ABCA6: variants seen among roughly 807,000 people sequenced by gnomAD.
ABCA6 encodes the protein ATP binding cassette subfamily A member 6.
In ABCA6, 164 loss-of-function variants were observed where a neutral mutation model predicts 191.2. The observed-to-expected ratio is 0.86, with a 90% CI of 0.76 to 0.98. The LOEUF (loss-of-function observed/expected upper bound fraction) is 0.98, where lower values mean the gene tolerates loss of function less well. Among genes scored for constraint, ABCA6 ranks in the 50% least tolerant of loss-of-function variants. The pLI, the probability that ABCA6 is intolerant of heterozygous loss-of-function variation, is 0.00. For missense variants in ABCA6, 1,958 were observed against 1,894.1 expected (o/e 1.03, Z -0.63); for synonymous variants, 636 against 647.7 (o/e 0.98, Z 0.27).
intron 31 of ABCA6, 129 bp from the exon 32 acceptor site, chr17:69,085,311 T>A: frequency 1.1e-6 from 1 of 869,896 alleles, no homozygotes; most frequent in Non-Finnish European, 1.7e-6. Flanking sequence ...AATTACTTCA[T>A]ATATTTATTA....
intron 8 of ABCA6, among the ~76,000 whole-genome samples, chr17:69,126,707 A>G (rs2073761516): frequency 6.6e-6 from 1 of 152,128 alleles, no homozygotes; most frequent in South Asian, 2.1e-4. Context: ...AATGAATGCA[A>G]AGATATATTA....
chr17:69,081,016 T>C (rs773747190), intron 37 of ABCA6, 50 bp downstream of exon 37: 3 of 1,115,444 alleles, frequency 2.7e-6, no homozygotes, highest in South Asian at 3.1e-5. Flanking sequence ...ATTATTATTT[T>C]AGTATTAGTT....
At chr17:69,081,442 G>T (rs557388941) in intron 36 of ABCA6, among the ~76,000 whole-genome samples, 21 of 152,056 alleles carry the variant, frequency 1.4e-4, no homozygotes, top group African/African-American at 5.1e-4. Context: ...TTCGAATTAG[G>T]TTGGGAATTA....
Position 69,106,141 on chromosome 17 carries a change from G to A in ABCA6, c.2460C>T (p.Phe820=). The A allele has an allele frequency of 6.2e-7, 1 of 1,613,956 alleles. No individual in the cohort carries two copies. The highest frequency in any genetic ancestry group is 8.5e-7 in the Non-Finnish European group (1 of 1,179,892). The change falls in exon 19 of 39, where the codon TTC becomes TTT. Residue 820 remains phenylalanine, a synonymous_variant. Transcript: ENST00000284425. ...CACTCACAGCTGTCTGCATTTCAGA[G>A]AAGGAAGAGTGAGCCAGCTCCATTT... ...LNEMELAHSS[F]SEMQTAVSDM...
intron 10 of ABCA6, among the ~76,000 whole-genome samples, chr17:69,120,523 T>C (rs1180835756): frequency 1.3e-5 from 2 of 152,068 alleles, no homozygotes; most frequent in African/African-American, 4.8e-5. Context: ...TTATTGTTCA[T>C]ATTTGCTGCC....
chr17:69,107,169 A>T (rs1309227085), intron 18 of ABCA6, among the ~76,000 whole-genome samples: 1 of 152,146 alleles, frequency 6.6e-6, no homozygotes, highest in Non-Finnish European at 1.5e-5. Context: ...TGCCAATGAC[A>T]CTTCTTGGAA....
intron 20 of ABCA6, chr17:69,104,659 AAAAACAAAAAAAC>A (rs1326214096): frequency 3.1e-5 from 1 of 31,800 alleles, no homozygotes; most frequent in Non-Finnish European, 6.5e-5. Flanking sequence ...CGGTTAGGAA[AAAAACAAAAAAAC>A]AAAAAAACAA....
chr17:69,134,150 G>C (rs2073910609), intron 5 of ABCA6, among the ~76,000 whole-genome samples: 1 of 152,100 alleles, frequency 6.6e-6, no homozygotes, highest in Non-Finnish European at 1.5e-5. Flanking sequence ...GTGTTCCTTG[G>C]TCTGAATATC....
intron 1 of ABCA6, 150 bp downstream of exon 1, chr17:69,141,595 T>C (rs916320863): frequency 4.6e-5 from 7 of 151,988 alleles, no homozygotes; most frequent in Non-Finnish European, 8.8e-5. Context: ...ATCTACACAA[T>C]AAAAAGTGGT....
intron 17 of ABCA6, chr17:69,110,107 G>A (rs1336289865): frequency 6.6e-6 from 1 of 152,138 alleles, no homozygotes; most frequent in Non-Finnish European, 1.5e-5. Flanking sequence ...CAGTGTGTAG[G>A]TGGAAGACAT....
chr17:69,115,164 C>T (rs1290811006), intron 12 of ABCA6, among the ~76,000 whole-genome samples: 1 of 151,932 alleles, frequency 6.6e-6, no homozygotes, highest in Non-Finnish European at 1.5e-5. Flanking sequence ...TGCACATCTA[C>T]CCTGAAATAT....
rs2072746480 is a variant in ABCA6 at position 69,085,092 on chromosome 17, G to A, written c.4120C>T (p.His1374Tyr). ...VLWPMLTLREHLEVYAAVKGL... is the reference protein window; with the variant it reads ...VLWPMLTLREYLEVYAAVKGL... Reference sequence around the variant, plus strand: ...TTGACGGCAGCATACACCTCCAGGTGTTCCCTCAACGTCAGCATGGGCCAC... The same window carrying A: ...TTGACGGCAGCATACACCTCCAGGTATTCCCTCAACGTCAGCATGGGCCAC... The change falls in exon 32 of 39, where the codon CAC (histidine) becomes TAC (tyrosine). Residue 1374 changes from histidine to tyrosine, a missense_variant. Physicochemically the swap from His to Tyr is moderately conservative, Grantham distance 83 (BLOSUM62 2). Transcript: ENST00000284425. 1 of 1,613,594 alleles carries A rather than the reference G, an allele frequency of 6.2e-7. No individual in the cohort carries two copies. Among genetic ancestry groups the A allele is most frequent in the Non-Finnish European group, 8.5e-7 (1 of 1,179,882 alleles).
At position 69,113,281 on chromosome 17, in the gene ABCA6, C is replaced by T. The variant is rs1197648584; in HGVS notation, c.1982G>A (p.Arg661Lys). Reference protein sequence around the residue: ...DQVWSLLRERRADHVILFSTQ... With the variant: ...DQVWSLLRERKADHVILFSTQ... ...ACTGAAAAGGATCACATGATCTGCTCTACGCTCTCTCAGGAGGCTCCACAC... is the reference window on the plus strand; with the variant it reads ...ACTGAAAAGGATCACATGATCTGCTTTACGCTCTCTCAGGAGGCTCCACAC... Residue 661 changes from arginine to lysine, a missense_variant, in exon 15 of 39, where the codon AGA becomes AAA. Physicochemically the swap from Arg to Lys is conservative, Grantham distance 26. Coordinates refer to ENST00000284425, the MANE Select transcript of ABCA6 (RefSeq NM_080284.3). 16 of 1,603,434 alleles carry T rather than the reference C, an allele frequency of 1.0e-5. No individual in the cohort carries two copies. The highest frequency in any genetic ancestry group is 1.4e-5 in the Non-Finnish European group (16 of 1,177,326).
chr17:69,107,177 G>A (rs1404873934), intron 18 of ABCA6, among the ~76,000 whole-genome samples: 1 of 152,024 alleles, frequency 6.6e-6, no homozygotes, highest in East Asian at 1.9e-4. Context: ...ACACTTCTTG[G>A]AAAGGTTATT....
At chr17:69,139,935 T>G (rs2074003115) in intron 2 of ABCA6, among the ~76,000 whole-genome samples, 1 of 88,162 alleles carries the variant, frequency 1.1e-5, no homozygotes, top group Non-Finnish European at 2.1e-5. Flanking sequence ...CATCACACTC[T>G]GGGGCCTGTT....
At chr17:69,102,338 G>A (rs2144650072) in intron 21 of ABCA6, among the ~76,000 whole-genome samples, 2 of 152,088 alleles carry the variant, frequency 1.3e-5, no homozygotes, top group South Asian at 4.1e-4. Context: ...GCAAGACTCT[G>A]CCTCAAAAAA....
rs1360178226 is a variant in ABCA6 at position 69,106,133 on chromosome 17, A to G, written c.2468T>C (p.Met823Thr). The change falls in exon 19 of 39, where the codon ATG (methionine) becomes ACG (threonine). Residue 823 changes from methionine to threonine, a missense_variant. Transcript: ENST00000284425. ...MELAHSSFSE[M>T]QTAVSDMGLW... ...GCCCATGTCACTCACAGCTGTCTGC[A>G]TTTCAGAGAAGGAAGAGTGAGCCAG... 3 of 1,613,928 alleles carry G rather than the reference A, an allele frequency of 1.9e-6. No individual in the cohort carries two copies. The highest frequency in any genetic ancestry group is 2.5e-6 in the Non-Finnish European group (3 of 1,179,892).
intron 37 of ABCA6, among the ~76,000 whole-genome samples, chr17:69,080,812 G>A (rs2144601313): frequency 6.6e-6 from 1 of 152,248 alleles, no homozygotes. Flanking sequence ...GGATGCCATG[G>A]TTTCACAGTA....
Position 69,113,282 on chromosome 17 carries a change from T to C in ABCA6, c.1981A>G (p.Arg661Gly), listed in dbSNP as rs377491376. The C allele has an allele frequency of 1.2e-6, 2 of 1,603,610 alleles. No individual in the cohort carries two copies. Among genetic ancestry groups the C allele is most frequent in the African/African-American group, 1.4e-5 (1 of 74,008 alleles). The change falls in exon 15 of 39, where the codon AGA becomes GGA. Residue 661 changes from arginine to glycine, a missense_variant. Arg to Gly is a moderately radical substitution (Grantham distance 125, BLOSUM62 -2). Transcript: ENST00000284425. Reference protein sequence around the residue: ...DQVWSLLRERRADHVILFSTQ... With the variant: ...DQVWSLLRERGADHVILFSTQ... ...CTGAAAAGGATCACATGATCTGCTC[T>C]ACGCTCTCTCAGGAGGCTCCACACT... is the stretch of plus-strand genomic sequence containing the variant.
Sources: allele counts gnomAD v4.1 joint callset (sites outside exome capture counted in the v4.1 genomes callset), GRCh38; gene constraint gnomAD v4.1.1; transcripts MANE v1.5; gene names NCBI Gene and HGNC (gene_info 2026-07-23, HGNC 2026-07-21).